The following MCTP2 variants were observed in gnomAD, a reference collection of about 807,000 sequenced individuals.
MCTP2 encodes multiple C2 and transmembrane domain-containing protein 2.
MCTP2 carries 132 observed loss-of-function variants against 111.6 expected under a neutral mutation model. That is an observed-to-expected ratio of 1.18 (90% CI 1.03 to 1.37). MCTP2 has a LOEUF of 1.37. Among genes scored for constraint, MCTP2 ranks in the 40% most tolerant of loss-of-function variants. The pLI is 0.00. For synonymous variants in MCTP2, 395 were observed against 387.7 expected, an observed-to-expected ratio of 1.02 and a Z score of -0.22; for missense variants, 1,183 against 1,067.9, an observed-to-expected ratio of 1.11 and a Z score of -1.50.
chr15:94,458,270 G>GT, intron 20 of MCTP2, 24 bp downstream of exon 20: 1 of 1,394,976 alleles, frequency 7.2e-7, no homozygotes, highest in East Asian at 2.3e-5. Flanking sequence ...TTGTGTTGTG[G>GT]TGTTTGCAGT....
At chr15:94,339,689 A>T (rs550340251) in intron 5 of MCTP2, among the ~76,000 whole-genome samples, 22 of 152,328 alleles carry the variant, frequency 1.4e-4, no homozygotes, top group Non-Finnish European at 2.2e-4. Flanking sequence ...TATTACTGGT[A>T]CTGCAGTGGT....
rs550982578 is a variant in MCTP2 at position 94,445,327 on chromosome 15, T to A, written c.2250+2367T>A. 1.6e-3 allele frequency among the ~76,000 whole-genome samples: 251 copies of A among 152,328 alleles called. 1 individual carries two copies. The highest frequency in any genetic ancestry group is 5.8e-3 in the African/African-American group (242 of 41,584). ...AATAGCACTTTGTAATAGACAAATA[T>A]AACCATGGTGGTTTTGCTTTCCCAA... is the stretch of plus-strand genomic sequence containing the variant. On this transcript the variant is annotated intron_variant, in intron 19 of 22. Transcript: ENST00000357742.
chr15:94,269,115 G>A (rs912867724), intron 1 of MCTP2, among the ~76,000 whole-genome samples: 1 of 152,060 alleles, frequency 6.6e-6, no homozygotes, highest in Admixed American at 6.5e-5. Context: ...TTCACACTTA[G>A]CACTTCGTGA....
At chr15:94,245,215 T>C (rs937498710) in intron 1 of MCTP2, among the ~76,000 whole-genome samples, 1 of 141,098 alleles carries the variant, frequency 7.1e-6, no homozygotes, top group African/African-American at 2.5e-5. Context: ...TTTATACATA[T>C]GTGTATATAT....
intron 4 of MCTP2, among the ~76,000 whole-genome samples, chr15:94,320,537 A>C (rs1352957440): frequency 2.0e-5 from 3 of 152,166 alleles, no homozygotes; most frequent in Admixed American, 6.5e-5. Flanking sequence ...GAAGAAATCC[A>C]ACTTCAGTGC....
chr15:94,382,684 C>A (rs997607210), intron 12 of MCTP2, among the ~76,000 whole-genome samples: 1 of 152,262 alleles, frequency 6.6e-6, no homozygotes, highest in African/African-American at 2.4e-5. Context: ...GAATGGTAGG[C>A]CAGCAGGTCA....
At chr15:94,415,447 G>A (rs868318223) in intron 17 of MCTP2, among the ~76,000 whole-genome samples, 1 of 152,080 alleles carries the variant, frequency 6.6e-6, no homozygotes, top group Non-Finnish European at 1.5e-5. Flanking sequence ...TAGTGAAAAC[G>A]ACAGCATCTC....
chr15:94,343,070 T>C (rs1299991555), intron 7 of MCTP2: 1 of 151,006 alleles, frequency 6.6e-6, no homozygotes, highest in East Asian at 1.9e-4. Context: ...CATATATATA[T>C]ATAATGGAAA....
chr15:94,464,229 TTATATATATAATATATATA>T (rs1482381176), intron 20 of MCTP2, among the ~76,000 whole-genome samples: 7 of 88,278 alleles, frequency 7.9e-5, no homozygotes, highest in Admixed American at 2.6e-4. Context: ...TATTATATGT[TTATATATATAATATATATA>T]TATATATATT....
intron 4 of MCTP2, among the ~76,000 whole-genome samples, chr15:94,326,041 G>A (rs997395473): frequency 2.6e-5 from 4 of 151,800 alleles, no homozygotes; most frequent in African/African-American, 2.4e-5. Context: ...GGATGGTCTC[G>A]ATCTCCTGAC....
At chr15:94,361,763 G>C (rs1242905325) in intron 10 of MCTP2, among the ~76,000 whole-genome samples, 1 of 152,164 alleles carries the variant, frequency 6.6e-6, no homozygotes, top group Non-Finnish European at 1.5e-5. Flanking sequence ...CCATCGTCAA[G>C]GACATGGTAG....
intron 19 of MCTP2, among the ~76,000 whole-genome samples, chr15:94,449,375 C>T (rs141019419): frequency 2.1e-3 from 319 of 152,320 alleles, no homozygotes; most frequent in African/African-American, 7.2e-3. Flanking sequence ...ACTTCCGTAA[C>T]ATATATGAGA....
At chr15:94,385,622 A>G in intron 14 of MCTP2, 97 bp downstream of exon 14, 1 of 822,930 alleles carries the variant, frequency 1.2e-6, no homozygotes, top group Non-Finnish European at 2.1e-6. Flanking sequence ...CCTGGGGGAA[A>G]AAAATCCTCC....
intron 1 of MCTP2, among the ~76,000 whole-genome samples, chr15:94,291,515 T>C (rs1158468262): frequency 6.6e-6 from 1 of 151,944 alleles, no homozygotes; most frequent in Non-Finnish European, 1.5e-5. Context: ...GCAGGAGAAT[T>C]GCTTGAACCG....
rs560844941 is a variant in MCTP2, at chr15:94,243,108, C to T, written c.-66+11444C>T. Among the ~76,000 whole-genome samples the T allele has an allele frequency of 7.8e-5, 11 of 140,686 alleles. 3 individuals are homozygous for T. The highest frequency in any genetic ancestry group is 4.5e-4 in the East Asian group (2 of 4,426). 92.3% of individuals were successfully genotyped at this position (140,686 alleles called of 152,430 possible). ...ACATATACGTGTATATGTGTATCTA[C>T]GGGTGTGTATATATGTATCTACGGG... On this transcript the variant is annotated intron_variant, in intron 1 of 22. Transcript: ENST00000357742.
intron 1 of MCTP2, among the ~76,000 whole-genome samples, chr15:94,239,751 A>T (rs939010620): frequency 6.6e-6 from 1 of 152,258 alleles, no homozygotes; most frequent in African/African-American, 2.4e-5. Flanking sequence ...AATGAGAAAG[A>T]AGGTTCTGGG....
Position 94,470,365 on chromosome 15 carries a change from C to CTCT in MCTP2, c.2394_2396dup (p.Leu799dup). ...AACTGGACGGTCCCCTTCCTTTCAT[C>CTCT]TCTGGCCTGTTTGATTCTGGCAGCA... is the stretch of plus-strand genomic sequence containing the variant. On this transcript the variant is annotated inframe_insertion, in exon 21 of 23. Coordinates refer to ENST00000357742, the MANE Select transcript of MCTP2 (RefSeq NM_001385001.1). The CTCT allele has an allele frequency of 6.2e-7, 1 of 1,613,808 alleles. No individual in the cohort carries two copies. The highest frequency in any genetic ancestry group is 8.5e-7 in the Non-Finnish European group (1 of 1,179,734).
At chr15:94,351,026 A>G (rs2078275961) in intron 8 of MCTP2, among the ~76,000 whole-genome samples, 1 of 151,982 alleles carries the variant, frequency 6.6e-6, no homozygotes, top group African/African-American at 2.4e-5. Flanking sequence ...AAATTGAGTG[A>G]CAATTTTATC....
At chr15:94,317,674 A>G (rs56214444) in intron 4 of MCTP2, among the ~76,000 whole-genome samples, 70,506 of 151,934 alleles carry the variant, frequency 0.46, 18,565 homozygotes, top group East Asian at 0.61. Context: ...ACCACTACCC[A>G]GAAACATCTT....
Sources: allele counts gnomAD v4.1 joint callset (sites outside exome capture counted in the v4.1 genomes callset), GRCh38; gene constraint gnomAD v4.1.1; transcripts MANE v1.5; gene names NCBI Gene and HGNC (gene_info 2026-07-23, HGNC 2026-07-21).